The following SIRPB2 variants were observed in gnomAD, a reference collection of about 807,000 sequenced individuals.
The protein encoded by SIRPB2 is signal-regulatory protein beta-2.
SIRPB2 carries 18 observed loss-of-function variants against 27.1 expected under a neutral mutation model. That is an observed-to-expected ratio of 0.66 (90% CI 0.46 to 0.98). The LOEUF is 0.98. SIRPB2 is among the 50% of genes least tolerant of loss of function. SIRPB2 has a pLI of 0.00. For missense variants in SIRPB2, 420 were observed against 417.4 expected (o/e 1.01, Z -0.06); for synonymous variants, 150 against 164.6 (o/e 0.91, Z 0.68).
chr20:1,473,892 A>T, downstream of SIRPB2: 1 of 455,988 alleles, frequency 2.2e-6, no homozygotes, highest in Non-Finnish European at 4.4e-6. Flanking sequence ...AAACAACAGA[A>T]ATTTATTTTC....
At chr20:1,479,468 C>G in intron 2 of SIRPB2, 2 of 618,448 alleles carry the variant, frequency 3.2e-6, no homozygotes, top group South Asian at 1.9e-5. Flanking sequence ...CTTCTGCCAT[C>G]TTTATGAGAA....
At chr20:1,484,704 AC>A (rs372752560) in intron 1 of SIRPB2, among the ~76,000 whole-genome samples, 114 of 146,512 alleles carry the variant, frequency 7.8e-4, no homozygotes, top group African/African-American at 3.0e-3. Flanking sequence ...AAAAAAAAAA[AC>A]AAAATAAATA....
Position 1,477,299 on chromosome 20 carries a change from TG to T in SIRPB2, c.859+38del, listed in dbSNP as rs750592048. The T allele has an allele frequency of 8.7e-6, 14 of 1,614,208 alleles. No homozygotes were observed. The South Asian group carries it at 1.3e-4, about 15-fold the overall frequency. ...AAGCCATTCATGGCCCCCTTGCCTGTGGGGGACTCATTGACTCCACTGAGGT... is the reference window on the plus strand; with the variant it reads ...AAGCCATTCATGGCCCCCTTGCCTGTGGGGACTCATTGACTCCACTGAGGT... On this transcript the variant is annotated intron_variant, in intron 4 of 4. Coordinates refer to ENST00000359801, the MANE Select transcript of SIRPB2 (RefSeq NM_001122962.2).
At chr20:1,488,179 T>C (rs190391173) in intron 1 of SIRPB2, among the ~76,000 whole-genome samples, 68 of 152,296 alleles carry the variant, frequency 4.5e-4, no homozygotes, top group Non-Finnish European at 6.8e-4. Context: ...GAAAAATCTT[T>C]GCAAAGCATA....
downstream of SIRPB2, chr20:1,470,904 C>T (rs2090579435): frequency 6.6e-6 from 1 of 152,340 alleles, no homozygotes; most frequent in Middle Eastern, 3.4e-3. Flanking sequence ...AGAGGGTCCC[C>T]CAGCACCAGC....
At chr20:1,477,990 T>C (rs765515702) in intron 3 of SIRPB2, 1 of 577,166 alleles carries the variant, frequency 1.7e-6, no homozygotes, top group Non-Finnish European at 3.3e-6. Context: ...TGTTGAATTA[T>C]TAATGATCTA....
Position 1,475,778 on chromosome 20 carries a change from G to GT in SIRPB2, c.*388_*389insA. The GT allele has an allele frequency of 6.6e-6, 1 of 150,780 alleles. No individual in the cohort carries two copies. Among genetic ancestry groups the GT allele is most frequent in the Non-Finnish European group, 1.4e-5 (1 of 70,590 alleles). The allele number at this position is 150,780 out of a possible 1,614,324, so 9.3% of individuals were successfully genotyped here. A position where few individuals can be genotyped will look rare whatever the true frequency, so the allele number is the denominator to read the frequency against. Reference sequence around the variant, plus strand: ...ATGGAGGGGCACAGATGGTCTGGCTGGTTGAGTTCAGAGATTCTTACAGAC... The same window carrying GT: ...ATGGAGGGGCACAGATGGTCTGGCTGTGTTGAGTTCAGAGATTCTTACAGAC... On this transcript the variant is annotated 3_prime_UTR_variant, in exon 5 of 5. Coordinates refer to ENST00000359801, the MANE Select transcript of SIRPB2 (RefSeq NM_001122962.2).
intron 3 of SIRPB2, 106 bp from the exon 4 acceptor site, chr20:1,477,509 T>A: frequency 6.6e-7 from 1 of 1,518,984 alleles, no homozygotes; most frequent in South Asian, 1.3e-5. Context: ...AGTTTCTATG[T>A]GGGTATGGGC....
rs200885742 is a variant in SIRPB2, at chr20:1,487,300, AT to A, written c.85+3974del. ...ATAAGCCATTGCTAAGATAAAAAAA[AT>A]CAAGCCTAAATAAATAGAGAGGTAC... On this transcript the variant is annotated intron_variant, in intron 1 of 4. Transcript: ENST00000359801. Among the ~76,000 whole-genome samples the A allele has an allele frequency of 6.9e-3, 1,050 of 152,332 alleles. 13 individuals carry two copies. Among genetic ancestry groups the A allele is most frequent in the African/African-American group, 0.024 (999 of 41,584 alleles).
At chr20:1,490,063 A>G (rs2090763863) in intron 1 of SIRPB2, among the ~76,000 whole-genome samples, 1 of 152,032 alleles carries the variant, frequency 6.6e-6, no homozygotes, top group African/African-American at 2.4e-5. Flanking sequence ...TTTTCCATCT[A>G]TTCTATTGCA....
chr20:1,482,433 T>C (rs563584727), intron 1 of SIRPB2, among the ~76,000 whole-genome samples: 19 of 152,334 alleles, frequency 1.2e-4, no homozygotes, highest in African/African-American at 4.6e-4. Flanking sequence ...TCTATCATTA[T>C]AGTTTCTACT....
At chr20:1,490,883 G>A (rs539952414) in intron 1 of SIRPB2, among the ~76,000 whole-genome samples, 2 of 152,294 alleles carry the variant, frequency 1.3e-5, no homozygotes, top group Admixed American at 1.3e-4. Context: ...TTTGCAGTGG[G>A]TCTCATAAAC....
rs114881390 is a variant in SIRPB2 at position 1,490,970 on chromosome 20, A to G, written c.85+305T>C. 8.0e-3 allele frequency among the ~76,000 whole-genome samples: 1,224 copies of G among 152,258 alleles called. 28 individuals are homozygous for G. Among genetic ancestry groups the G allele is most frequent in the African/African-American group, 0.029 (1,188 of 41,550 alleles). Reference sequence around the variant, plus strand: ...AGTAGCCCTAGAGAAAGGTCCCATGAGCGTCCCTGTTTTGTAGAAGAGGCT... The same window carrying G: ...AGTAGCCCTAGAGAAAGGTCCCATGGGCGTCCCTGTTTTGTAGAAGAGGCT... On this transcript the variant is annotated intron_variant, in intron 1 of 4. Transcript: ENST00000359801.
At chr20:1,487,656 TGA>T (rs2090739301) in intron 1 of SIRPB2, among the ~76,000 whole-genome samples, 1 of 152,202 alleles carries the variant, frequency 6.6e-6, no homozygotes, top group Non-Finnish European at 1.5e-5. Flanking sequence ...TAAAAAGAGA[TGA>T]GGTCTCGCTA....
At chr20:1,486,141 C>G (rs6079317) in intron 1 of SIRPB2, among the ~76,000 whole-genome samples, 23,760 of 150,480 alleles carry the variant, frequency 0.16, 3,085 homozygotes, top group East Asian at 0.74. Flanking sequence ...GGCGTGATCT[C>G]AGCTCACTCC....
intron 1 of SIRPB2, among the ~76,000 whole-genome samples, chr20:1,487,009 T>C (rs964420549): frequency 1.3e-5 from 2 of 152,124 alleles, no homozygotes; most frequent in South Asian, 2.1e-4. Context: ...ATAAAAGACA[T>C]CCAGATTTGA....
chr20:1,482,179 T>C (rs2090677890), intron 1 of SIRPB2, among the ~76,000 whole-genome samples: 1 of 152,204 alleles, frequency 6.6e-6, no homozygotes, highest in African/African-American at 2.4e-5. Context: ...TTTACTACTG[T>C]AAGTTTCTTT....
At chr20:1,480,316 T>G in intron 1 of SIRPB2, 1 of 463,314 alleles carries the variant, frequency 2.2e-6, no homozygotes, top group Non-Finnish European at 3.8e-6. Context: ...CCTGCGTGCA[T>G]GATGTCACTT....
At position 1,475,781 on chromosome 20, in the gene SIRPB2, T is replaced by TATCATCAAAAAA; in HGVS notation, c.*385_*386insTTTTTTGATGAT. On this transcript the variant is annotated 3_prime_UTR_variant, in exon 5 of 5. Transcript: ENST00000359801. ...GAGGGGCACAGATGGTCTGGCTGGT[T>TATCATCAAAAAA]GAGTTCAGAGATTCTTACAGACATC... The TATCATCAAAAAA allele has an allele frequency of 7.3e-6, 1 of 137,440 alleles. No individual in the cohort carries two copies. Among genetic ancestry groups the TATCATCAAAAAA allele is most frequent in the Non-Finnish European group, 1.6e-5 (1 of 64,188 alleles). The allele number at this position is 137,440 out of a possible 1,614,324, so 8.5% of individuals were successfully genotyped here.
Sources: allele counts gnomAD v4.1 joint callset (sites outside exome capture counted in the v4.1 genomes callset), GRCh38; gene constraint gnomAD v4.1.1; transcripts MANE v1.5; gene names NCBI Gene and HGNC (gene_info 2026-07-23, HGNC 2026-07-21).